Variants in RNF213 observed in about 807,000 individuals in gnomAD.
RNF213 encodes E3 ubiquitin-protein ligase RNF213.
In RNF213, 341 loss-of-function variants were observed where a neutral mutation model predicts 514.4. That is an observed-to-expected ratio of 0.66 (90% CI 0.61 to 0.73). The LOEUF is 0.73. RNF213 is among the 30% of genes least tolerant of loss of function. The pLI is 0.00. For missense variants in RNF213, 5,767 were observed against 6,615.6 expected, an observed-to-expected ratio of 0.87 and a Z score of 4.45; for synonymous variants, 2,655 against 2,658.2, an observed-to-expected ratio of 1.00 and a Z score of 0.04.
Position 80,346,724 on chromosome 17 carries a change from C to T in RNF213, c.8389C>T (p.Arg2797Cys), listed in dbSNP as rs776731965. The part of the protein sequence containing the change: ...QGPAAYSDLF[R>C]SLKQVHLVSF... The stretch of plus-strand genomic sequence containing the variant: ...CCCGGCTGCCTACTCAGATCTCTTC[C>T]GCAGCCTGAAGCAGGTCCACCTGGT... Residue 2797 changes from arginine (R) to cysteine (C), a missense_variant, in exon 29 of 68, where the codon CGC becomes TGC. By Grantham distance (180) the Arg-to-Cys change is radical. Coordinates refer to ENST00000582970, the MANE Select transcript of RNF213 (RefSeq NM_001256071.3). The surrounding 1 kb of genome is among the most constrained non-coding windows in gnomAD (Gnocchi z 8.1). 8.1e-6 allele frequency: 13 copies of T among 1,611,978 alleles called. No individual in the cohort carries two copies. In the East Asian group the frequency reaches 1.1e-4, roughly 14 times the overall value.
At chr17:80,332,841 G>T (rs2046453517) in intron 21 of RNF213, among the ~76,000 whole-genome samples, 1 of 152,084 alleles carries the variant, frequency 6.6e-6, no homozygotes, top group Admixed American at 6.6e-5. Flanking sequence ...CTTAGCCAGA[G>T]GGAGTTTCCT....
rs1255765176 is a variant in RNF213, at chr17:80,332,248, G to T, written c.3760G>T (p.Ala1254Ser). 1 of 1,537,216 alleles carries T rather than the reference G, an allele frequency of 6.5e-7. No homozygotes were observed. The highest frequency in any genetic ancestry group is 8.7e-7 in the Non-Finnish European group (1 of 1,146,912). Residue 1254 changes from alanine (A) to serine (S), a missense_variant, in exon 21 of 68, where the codon GCA becomes TCA. Ala to Ser is a moderately conservative substitution (Grantham distance 99). Around this residue, in one of 13 missense-constraint regions of RNF213, gnomAD observed 516 missense variants for 566.5 expected, o/e 0.91. Coordinates refer to ENST00000582970, the MANE Select transcript of RNF213 (RefSeq NM_001256071.3). ...LSEPKEDQEA[A>S]ELLSEPEEES... The stretch of plus-strand genomic sequence containing the variant: ...TGAGCCTAAGGAGGACCAGGAAGCC[G>T]CAGAGTTGCTGAGTGAGCCCGAAGA...
chr17:80,281,338 C>CCA (rs141059502), intron 3 of RNF213, among the ~76,000 whole-genome samples: 7,321 of 56,360 alleles, frequency 0.13, 1,536 homozygotes, highest in Non-Finnish European at 0.2. Flanking sequence ...ACACACGCCC[C>CCA]CACACACACA....
chr17:80,321,865 A>G (rs991476187), intron 17 of RNF213, among the ~76,000 whole-genome samples: 3 of 152,130 alleles, frequency 2.0e-5, no homozygotes, highest in African/African-American at 7.2e-5. Context: ...AGCTGGGACT[A>G]CAGGCATGTG....
At chr17:80,388,257 T>TCCTCTGGCAGAGTG (rs1461949992) in intron 63 of RNF213, among the ~76,000 whole-genome samples, 1 of 152,238 alleles carries the variant, frequency 6.6e-6, no homozygotes, top group Non-Finnish European at 1.5e-5. Flanking sequence ...CACAGCCATT[T>TCCTCTGGCAGAGTG]CCTCTGGCAG....
chr17:80,334,326 A>G, intron 22 of RNF213, 56 bp downstream of exon 22: 1 of 1,488,352 alleles, frequency 6.7e-7, no homozygotes, highest in East Asian at 2.5e-5. Flanking sequence ...CAGATGGCGC[A>G]CTGTGTGGCG....
rs375783747 is a variant in RNF213, at chr17:80,347,053, C to T, written c.8718C>T (p.Asn2906=). The T allele has an allele frequency of 6.2e-6, 10 of 1,614,070 alleles. No homozygotes were observed. The highest frequency in any genetic ancestry group is 3.3e-5 in the South Asian group (3 of 91,060). Reference sequence around the variant, plus strand: ...TTTTTGTGTCACGTGGCAGCCCCAACGAGACAGAGCTCATAGAGAGCGCCA... The same window carrying T: ...TTTTTGTGTCACGTGGCAGCCCCAATGAGACAGAGCTCATAGAGAGCGCCA... ...RGIFVSRGSP[N]ETELIESAKG... Residue 2906 remains asparagine (N), a synonymous_variant, in exon 29 of 68, where the codon AAC becomes AAT. Coordinates refer to ENST00000582970, the MANE Select transcript of RNF213 (RefSeq NM_001256071.3). The surrounding 1 kb of genome is among the most constrained non-coding windows in gnomAD (Gnocchi z 7.2).
rs576274857 is a variant in RNF213, at chr17:80,280,841, G to T, written c.262-6974G>T. Among the ~76,000 whole-genome samples the T allele has an allele frequency of 1.6e-4, 25 of 152,206 alleles. No homozygotes were observed. In the South Asian group the frequency reaches 4.3e-3, roughly 26 times the overall value. The stretch of plus-strand genomic sequence containing the variant: ...ATGTGAGGAGGAGAAATGGATGGGA[G>T]ATTTATAGTAAAGCTGTCAACGTAC... On this transcript the variant is annotated intron_variant, in intron 3 of 67. Coordinates refer to ENST00000582970, the MANE Select transcript of RNF213 (RefSeq NM_001256071.3).
At chr17:80,338,206 G>A (rs954573127) in intron 25 of RNF213, among the ~76,000 whole-genome samples, 1 of 152,172 alleles carries the variant, frequency 6.6e-6, no homozygotes, top group African/African-American at 2.4e-5. Flanking sequence ...AAGGCAGGCA[G>A]GCCCCTGGGT....
In RNF213 at chr17:80,347,281, T is replaced by C. The variant is rs933701883; in HGVS notation, c.8946T>C (p.Ala2982=). Residue 2982 remains alanine, a synonymous_variant, in exon 29 of 68, where the codon GCT becomes GCC. Transcript: ENST00000582970. The surrounding 1 kb of genome is among the most constrained non-coding windows in gnomAD (Gnocchi z 7.2). ...RKPSPQDIAQ[A]VLRNFSGKDD... is the part of the protein sequence containing the mutation. ...CTTCCCCGCAAGACATTGCACAGGC[T>C]GTCCTTAGGAACTTCAGTGGCAAGG... The C allele has an allele frequency of 6.2e-7, 1 of 1,613,898 alleles. No homozygotes were observed. Among genetic ancestry groups the C allele is most frequent in the African/African-American group, 1.3e-5 (1 of 75,058 alleles).
At chr17:80,368,255 C>A in intron 44 of RNF213, 112 bp downstream of exon 44, 1 of 1,165,658 alleles carries the variant, frequency 8.6e-7, no homozygotes, top group Non-Finnish European at 1.3e-6. Flanking sequence ...GAAAACCTGA[C>A]CTCAGAGAAC....
chr17:80,386,186 C>A (rs1289440098), intron 61 of RNF213, 64 bp from the exon 62 acceptor site: 1 of 1,522,884 alleles, frequency 6.6e-7, no homozygotes. Flanking sequence ...CCCTCCTCCC[C>A]ACGCCTAGAT....
chr17:80,384,137 A>G (rs776685010), intron 59 of RNF213, among the ~76,000 whole-genome samples: 1 of 152,212 alleles, frequency 6.6e-6, no homozygotes, highest in Non-Finnish European at 1.5e-5. Flanking sequence ...TCACAGACGA[A>G]ATACACACCC....
intron 37 of RNF213, 67 bp from the exon 38 acceptor site, chr17:80,359,994 G>T: frequency 6.4e-7 from 1 of 1,554,942 alleles, no homozygotes; most frequent in South Asian, 1.1e-5. Flanking sequence ...ATCAGTGGCA[G>T]ATCTTATCTT....
chr17:80,290,414 C>CTTGT (rs1555645071), intron 6 of RNF213, among the ~76,000 whole-genome samples, 156 bp from the exon 7 acceptor site: 2 of 146,602 alleles, frequency 1.4e-5, no homozygotes, highest in African/African-American at 2.5e-5. Flanking sequence ...TGTGTGTGTG[C>CTTGT]GTGTGTGCGA....
At chr17:80,383,464 A>T (rs551502934) in intron 58 of RNF213, among the ~76,000 whole-genome samples, 1 of 152,216 alleles carries the variant, frequency 6.6e-6, no homozygotes, top group Non-Finnish European at 1.5e-5. Flanking sequence ...AGAGAAATAT[A>T]GGTTTCTGAA....
intron 3 of RNF213, among the ~76,000 whole-genome samples, chr17:80,275,360 G>A (rs955204927): frequency 1.3e-5 from 2 of 151,944 alleles, no homozygotes; most frequent in Non-Finnish European, 2.9e-5. Flanking sequence ...GTGGCAGTAC[G>A]GATGGTGTTC....
At chr17:80,325,429 C>T (rs765815386) in intron 18 of RNF213, among the ~76,000 whole-genome samples, 7 of 152,096 alleles carry the variant, frequency 4.6e-5, no homozygotes, top group South Asian at 2.1e-4. Flanking sequence ...TGTACCCTAG[C>T]GACTGTGCTG....
At chr17:80,384,954 C>T (rs2080174016) in intron 59 of RNF213, 85 bp from the exon 60 acceptor site, 3 of 1,392,426 alleles carry the variant, frequency 2.2e-6, no homozygotes, top group Non-Finnish European at 3.1e-6. Flanking sequence ...AAATACAAGT[C>T]TCGCAGCCAG....
Sources: allele counts gnomAD v4.1 joint callset (sites outside exome capture counted in the v4.1 genomes callset), GRCh38; gene constraint gnomAD v4.1.1; regional missense constraint gnomAD v4.1.1; non-coding constraint Gnocchi (gnomAD v3.1); transcripts MANE v1.5; gene names NCBI Gene and HGNC (gene_info 2026-07-23, HGNC 2026-07-21).